ECT2L: variants seen among roughly 807,000 people sequenced by gnomAD.
ECT2L encodes epithelial cell transforming 2 like.
ECT2L carries 126 observed loss-of-function variants against 122.8 expected under a neutral mutation model. That is an observed-to-expected ratio of 1.03 (90% CI 0.89 to 1.19). ECT2L has a LOEUF of 1.19. Among genes scored for constraint, ECT2L ranks in the 50% most tolerant of loss-of-function variants. ECT2L has a pLI of 0.00. For synonymous variants in ECT2L, 385 were observed against 381.8 expected (o/e 1.01, Z -0.10); for missense variants, 1,012 against 1,064.1 (o/e 0.95, Z 0.68).
At chr6:138,885,477 G>T in intron 16 of ECT2L, 29 bp from the exon 17 acceptor site, 1 of 1,610,840 alleles carries the variant, frequency 6.2e-7, no homozygotes, top group Non-Finnish European at 8.5e-7. Flanking sequence ...ATCTCATAAA[G>T]TTTTGACAAT....
At position 138,849,430 on chromosome 6, in the gene ECT2L, C is replaced by G; in HGVS notation, c.1065C>G (p.Leu355=). The G allele has an allele frequency of 6.2e-7, 1 of 1,612,234 alleles. No individual in the cohort carries two copies. The highest frequency in any genetic ancestry group is 1.1e-5 in the South Asian group (1 of 90,728). The part of the protein sequence containing the change: ...SDGDSREINL[L]QGYKIGVKNL... Reference sequence around the variant, plus strand: ...GAGACAGCAGAGAAATCAATTTACTCCAAGGTAGGCCTGGGGATTGGCGGA... The same window carrying G: ...GAGACAGCAGAGAAATCAATTTACTGCAAGGTAGGCCTGGGGATTGGCGGA... The change falls in exon 9 of 22, where the codon CTC becomes CTG. Residue 355 remains leucine (L), a synonymous_variant. Coordinates refer to ENST00000541398, the MANE Select transcript of ECT2L (RefSeq NM_001077706.3).
intron 4 of ECT2L, among the ~76,000 whole-genome samples, chr6:138,817,651 C>A (rs192685636): frequency 6.0e-4 from 92 of 152,240 alleles, no homozygotes; most frequent in Admixed American, 1.4e-3. Flanking sequence ...ATTCAAATAT[C>A]TTAGAGTTTT....
chr6:138,841,342 C>T (rs1489964107), intron 5 of ECT2L, among the ~76,000 whole-genome samples: 1 of 152,200 alleles, frequency 6.6e-6, no homozygotes, highest in Non-Finnish European at 1.5e-5. Context: ...CTTTGAGTCT[C>T]TGGGTGATGT....
Position 138,834,952 on chromosome 6 carries a change from C to G in ECT2L, c.180-3400C>G, listed in dbSNP as rs146091234. ...ACACACACACTCTCATTCTCTCTCT[C>G]TGTCTCTTTCCTCACAACGGCCTGC... On this transcript the variant is annotated intron_variant, in intron 4 of 21. Coordinates refer to ENST00000541398, the MANE Select transcript of ECT2L (RefSeq NM_001077706.3). 1.2e-3 allele frequency among the ~76,000 whole-genome samples: 175 copies of G among 150,460 alleles called. 1 individual carries two copies. The highest frequency in any genetic ancestry group is 2.0e-3 in the Admixed American group (30 of 14,960).
At chr6:138,878,292 G>C (rs1778524710) in intron 14 of ECT2L, among the ~76,000 whole-genome samples, 1 of 127,424 alleles carries the variant, frequency 7.8e-6, no homozygotes, top group Non-Finnish European at 1.6e-5. Context: ...CAAGGATTTA[G>C]ATACATATAT....
chr6:138,876,701 A>C, intron 14 of ECT2L, 143 bp downstream of exon 14: 1 of 597,420 alleles, frequency 1.7e-6, no homozygotes, highest in Non-Finnish European at 2.9e-6. Flanking sequence ...ATTATTAGAG[A>C]GAATTCAGCT....
At chr6:138,887,813 C>T (rs555761259) in intron 19 of ECT2L, among the ~76,000 whole-genome samples, 20 of 152,270 alleles carry the variant, frequency 1.3e-4, no homozygotes, top group Non-Finnish European at 2.8e-4. Flanking sequence ...CTGGATAAAC[C>T]CCTATTCATT....
At chr6:138,898,098 C>A (rs746418915) in intron 20 of ECT2L, among the ~76,000 whole-genome samples, 5 of 151,916 alleles carry the variant, frequency 3.3e-5, no homozygotes, top group Non-Finnish European at 5.9e-5. Flanking sequence ...CCCAAAAAAG[C>A]AAGACCATGG....
At chr6:138,824,031 A>G (rs920501812) in intron 4 of ECT2L, among the ~76,000 whole-genome samples, 34 of 150,594 alleles carry the variant, frequency 2.3e-4, no homozygotes, top group African/African-American at 7.6e-4. Flanking sequence ...TGTAACAGGC[A>G]TAAGTGAATA....
At chr6:138,844,795 C>CTTTTTTT (rs11398299) in intron 7 of ECT2L, among the ~76,000 whole-genome samples, 1 of 126,646 alleles carries the variant, frequency 7.9e-6, no homozygotes, top group Non-Finnish European at 1.6e-5. Context: ...TTTAAATGTT[C>CTTTTTTT]TTTTTTTTTT....
At chr6:138,823,493 C>T (rs1776334807) in intron 4 of ECT2L, 8 of 1,575,528 alleles carry the variant, frequency 5.1e-6, no homozygotes, top group African/African-American at 1.4e-5. Flanking sequence ...TTATAGTTTT[C>T]ATTGTCACTC....
chr6:138,798,811 G>A (rs1583532600), intron 1 of ECT2L, among the ~76,000 whole-genome samples: 2 of 152,194 alleles, frequency 1.3e-5, no homozygotes, highest in Non-Finnish European at 2.9e-5. Flanking sequence ...TTAATAGGTA[G>A]ACAAGAATGA....
chr6:138,850,932 C>T (rs1322492015), intron 9 of ECT2L, among the ~76,000 whole-genome samples: 2 of 125,368 alleles, frequency 1.6e-5, no homozygotes, highest in Admixed American at 1.1e-4. Context: ...ACCTGGGAGG[C>T]GGACGTCGCG....
chr6:138,804,865 C>G (rs1417292930), intron 1 of ECT2L, among the ~76,000 whole-genome samples: 1 of 152,104 alleles, frequency 6.6e-6, no homozygotes, highest in East Asian at 1.9e-4. Context: ...GATTGAAATA[C>G]AGGACATAGA....
chr6:138,889,023 C>A lies in ECT2L; in HGVS notation c.2406C>A (p.Phe802Leu). 1 of 1,541,474 alleles carries A rather than the reference C, an allele frequency of 6.5e-7. No homozygotes were observed. The highest frequency in any genetic ancestry group is 1.3e-5 in the South Asian group (1 of 78,980). ...QLHCCDEEIS[F>L]SLRLYEHIHD... is the part of the protein sequence containing the mutation. ...ATTGCTGTGATGAAGAAATAAGTTT[C>A]TCTTTAAGGTAAACAATAGTTAACT... The change falls in exon 20 of 22, where the codon TTC becomes TTA. Residue 802 changes from phenylalanine to leucine, a missense_variant. Phe to Leu is a conservative substitution (Grantham distance 22). Transcript: ENST00000541398.
intron 16 of ECT2L, 77 bp downstream of exon 16, chr6:138,882,948 C>G (rs372957269): frequency 2.7e-6 from 4 of 1,479,504 alleles, no homozygotes; most frequent in African/African-American, 1.4e-5. Flanking sequence ...GAAAGACCAG[C>G]GTTAATAAGA....
At chr6:138,804,582 A>AACACACACACACACAC (rs367560936) in intron 1 of ECT2L, among the ~76,000 whole-genome samples, 11 of 146,476 alleles carry the variant, frequency 7.5e-5, no homozygotes, top group African/African-American at 2.5e-4. Context: ...TGAAGTTTTA[A>AACACACACACACACAC]ACACACACAC....
rs551330339 is a variant in ECT2L, at chr6:138,818,150, C to T, written c.179+3547C>T. Among the ~76,000 whole-genome samples the T allele has an allele frequency of 3.3e-5, 5 of 152,288 alleles. No individual in the cohort carries two copies. The South Asian group carries it at 1.0e-3, about 32-fold the overall frequency. On this transcript the variant is annotated intron_variant, in intron 4 of 21. Coordinates refer to ENST00000541398, the MANE Select transcript of ECT2L (RefSeq NM_001077706.3). ...CAGCTTTCCTGGATGGGTGGGGCAG[C>T]ATTCATGCAACTGCATTCCCTAGAG...
chr6:138,826,550 T>C (rs1175086153), intron 4 of ECT2L, among the ~76,000 whole-genome samples: 2 of 151,762 alleles, frequency 1.3e-5, no homozygotes, highest in African/African-American at 2.4e-5. Flanking sequence ...GTGGCAGTTG[T>C]CTGTAATTTG....
Sources: gnomAD v4.1 joint callset for allele counts (sites outside exome capture counted in the v4.1 genomes callset) on GRCh38, gnomAD v4.1.1 for gene constraint, MANE v1.5 for transcripts, NCBI Gene and HGNC (gene_info 2026-07-23, HGNC 2026-07-21) for gene names.